ANO4: variants seen among roughly 807,000 people sequenced by gnomAD.
The protein encoded by ANO4 is anoctamin-4.
In ANO4, 69 loss-of-function variants were observed where a neutral mutation model predicts 141.9. The ratio of observed to expected loss-of-function variants is 0.49; its 90% CI spans 0.40 to 0.59. The LOEUF is 0.59. Ranked by LOEUF, ANO4 falls within the 20% of genes least tolerant of loss-of-function variation. ANO4 has a pLI of 0.00. For missense variants in ANO4, 894 were observed against 1,162.2 expected, an observed-to-expected ratio of 0.77 and a Z score of 3.36; for synonymous variants, 350 against 394.3, an observed-to-expected ratio of 0.89 and a Z score of 1.33.
At chr12:101,055,636 T>A (rs900305713) in intron 14 of ANO4, among the ~76,000 whole-genome samples, 9 of 152,176 alleles carry the variant, frequency 5.9e-5, no homozygotes, top group Non-Finnish European at 1.2e-4. Context: ...ATTTTTATTT[T>A]TTAATGGTGC....
At chr12:100,993,507 A>G (rs889666176) in intron 8 of ANO4, among the ~76,000 whole-genome samples, 6 of 152,118 alleles carry the variant, frequency 3.9e-5, no homozygotes, top group African/African-American at 1.4e-4. Context: ...CTACCTGTCT[A>G]AACAACTCCC....
At chr12:100,845,234 A>G (rs2037496402) in intron 1 of ANO4, among the ~76,000 whole-genome samples, 2 of 152,194 alleles carry the variant, frequency 1.3e-5, no homozygotes, top group Non-Finnish European at 2.9e-5. Context: ...GTGAGTGCAC[A>G]TAGTTTTTCA....
At chr12:100,853,713 C>T (rs2038009869) in intron 1 of ANO4, among the ~76,000 whole-genome samples, 1 of 152,038 alleles carries the variant, frequency 6.6e-6, no homozygotes, top group Non-Finnish European at 1.5e-5. Flanking sequence ...TATTAACTTC[C>T]AATGTTGACT....
At chr12:101,008,155 G>A (rs976568919) in intron 8 of ANO4, among the ~76,000 whole-genome samples, 1 of 152,074 alleles carries the variant, frequency 6.6e-6, no homozygotes, top group African/African-American at 2.4e-5. Context: ...TGACAAATAT[G>A]TTATTCCAAA....
Position 101,127,094 on chromosome 12 carries a change from A to T in ANO4, c.*4+20A>T, listed in dbSNP as rs771078141. The T allele has an allele frequency of 1.2e-6, 2 of 1,602,010 alleles. No homozygotes were observed. Among genetic ancestry groups the T allele is most frequent in the South Asian group, 2.2e-5 (2 of 89,650 alleles). On this transcript the variant is annotated intron_variant, in intron 27 of 27. Coordinates refer to ENST00000392977, the MANE Select transcript of ANO4 (RefSeq NM_001286615.2). ...GACCATGTAGGTGAGAGGTGTGCTC[A>T]GCGTCTGAGGCCATTCCGAGGTTGA...
At chr12:101,105,172 A>G (rs558314750) in intron 22 of ANO4, among the ~76,000 whole-genome samples, 2 of 152,306 alleles carry the variant, frequency 1.3e-5, no homozygotes, top group Non-Finnish European at 2.9e-5. Flanking sequence ...AGGAACAAGA[A>G]CAAATCAAAG....
At chr12:101,090,892 C>T (rs929725578) in intron 17 of ANO4, among the ~76,000 whole-genome samples, 1 of 152,110 alleles carries the variant, frequency 6.6e-6, no homozygotes, top group Non-Finnish European at 1.5e-5. Context: ...TATTTCAAGA[C>T]ACAGCCTAGA....
intron 1 of ANO4, among the ~76,000 whole-genome samples, chr12:100,855,312 C>A (rs956428439): frequency 6.6e-6 from 1 of 152,074 alleles, no homozygotes; most frequent in African/African-American, 2.4e-5. Context: ...GTTACTAAAA[C>A]AACTTTATGC....
chr12:100,744,157 A>T (rs1409019762), intron 3 of ANO4, among the ~76,000 whole-genome samples: 2 of 152,154 alleles, frequency 1.3e-5, no homozygotes, highest in East Asian at 3.9e-4. Flanking sequence ...TTCAACCCGG[A>T]TATATCCCAT....
At chr12:100,985,259 C>G (rs1311973337) in intron 7 of ANO4, among the ~76,000 whole-genome samples, 1 of 152,126 alleles carries the variant, frequency 6.6e-6, no homozygotes, top group Non-Finnish European at 1.5e-5. Flanking sequence ...GCTGGTGAAA[C>G]ACAATTAACT....
chr12:101,079,152 T>C, intron 14 of ANO4, 41 bp from the exon 15 acceptor site: 1 of 1,571,248 alleles, frequency 6.4e-7, no homozygotes, highest in Middle Eastern at 1.7e-4. Flanking sequence ...CTTGTTTTAC[T>C]TTTATTCAAA....
chr12:100,905,807 A>G (rs962354795), intron 2 of ANO4, among the ~76,000 whole-genome samples: 7 of 152,192 alleles, frequency 4.6e-5, no homozygotes, highest in South Asian at 2.1e-4. Flanking sequence ...TGTGGGCATC[A>G]GTGAGAGGAT....
intron 1 of ANO4, among the ~76,000 whole-genome samples, chr12:100,812,279 T>C (rs1240483366): frequency 1.3e-5 from 2 of 152,186 alleles, no homozygotes. Flanking sequence ...TAGGTTTGAA[T>C]TGCTTTAGAG....
intron 14 of ANO4, among the ~76,000 whole-genome samples, chr12:101,061,589 C>A (rs900063652): frequency 1.3e-5 from 2 of 151,830 alleles, no homozygotes; most frequent in African/African-American, 4.8e-5. Context: ...CCTTTTCATT[C>A]TTTTTTCTCT....
At position 101,050,421 on chromosome 12, in the gene ANO4, A is replaced by C. The variant is rs1178303963; in HGVS notation, c.1312+2020A>C. Among the ~76,000 whole-genome samples the C allele has an allele frequency of 2.0e-5, 3 of 152,162 alleles. No individual in the cohort carries two copies. In the East Asian group the frequency reaches 5.8e-4, roughly 29 times the overall value. On this transcript the variant is annotated intron_variant, in intron 14 of 27. Coordinates refer to ENST00000392977, the MANE Select transcript of ANO4 (RefSeq NM_001286615.2). ...CCCTTAATGCTTCTCTGTCCCTTGC[A>C]AACAAACTAACCCTAACAGAATTTT...
At chr12:101,036,123 A>G (rs2047184097) in intron 9 of ANO4, among the ~76,000 whole-genome samples, 1 of 152,214 alleles carries the variant, frequency 6.6e-6, no homozygotes, top group Non-Finnish European at 1.5e-5. Context: ...ATCACTAATC[A>G]TCAGAGATAT....
rs576592514 is a variant in ANO4 at position 100,815,296 on chromosome 12, C to T, written c.-141+20269C>T. ...AAGTTACTGTATTTTTCTGAGCTTT[C>T]AGAGTTGTCATGGCCAGTATTTGTC... On this transcript the variant is annotated intron_variant, in intron 1 of 27. Transcript: ENST00000392977. Among the ~76,000 whole-genome samples the T allele has an allele frequency of 7.9e-5, 12 of 152,204 alleles. No homozygotes were observed. In the South Asian group the frequency reaches 2.1e-3, roughly 26 times the overall value.
intron 14 of ANO4, among the ~76,000 whole-genome samples, chr12:101,062,422 A>T (rs999128074): frequency 6.6e-5 from 10 of 152,190 alleles, no homozygotes; most frequent in Admixed American, 3.9e-4. Context: ...GTGCTGGGAG[A>T]TCTGCTGCTC....
At chr12:101,016,073 G>A (rs2046303600) in intron 8 of ANO4, among the ~76,000 whole-genome samples, 1 of 152,212 alleles carries the variant, frequency 6.6e-6, no homozygotes, top group Non-Finnish European at 1.5e-5. Context: ...GAGATGGCAA[G>A]AGCAAGAGCA....
Sources: gnomAD v4.1 joint callset for allele counts (sites outside exome capture counted in the v4.1 genomes callset) on GRCh38, gnomAD v4.1.1 for gene constraint, MANE v1.5 for transcripts, NCBI Gene and HGNC (gene_info 2026-07-23, HGNC 2026-07-21) for gene names.